Variants in YTHDC2 observed in about 807,000 individuals in gnomAD.
The protein encoded by YTHDC2 is 3'-5' RNA helicase YTHDC2.
A neutral mutation model predicts 174.9 loss-of-function variants in YTHDC2; 45 were observed. That is an observed-to-expected ratio of 0.26 (90% CI 0.20 to 0.33). YTHDC2 has a LOEUF of 0.33. Among genes scored for constraint, YTHDC2 ranks in the 10% least tolerant of loss-of-function variants. YTHDC2 has a pLI of 1.00. For missense variants in YTHDC2, 1,650 were observed against 1,723.7 expected, an observed-to-expected ratio of 0.96 and a Z score of 0.76; for synonymous variants, 657 against 574.5, an observed-to-expected ratio of 1.14 and a Z score of -2.05.
intron 21 of YTHDC2, among the ~76,000 whole-genome samples, chr5:113,566,545 G>A (rs1209071297): frequency 2.0e-5 from 3 of 148,292 alleles, no homozygotes; most frequent in Non-Finnish European, 4.4e-5. Context: ...GTAGTCAGAA[G>A]AATAGTACCA....
At chr5:113,582,010 A>T (rs1046235874) in intron 25 of YTHDC2, 25 of 192,620 alleles carry the variant, frequency 1.3e-4, no homozygotes, top group Admixed American at 2.4e-4. Context: ...ATATATAGAC[A>T]TTTTAAAATT....
chr5:113,551,756 A>G (rs1189943823), intron 12 of YTHDC2, among the ~76,000 whole-genome samples: 1 of 152,170 alleles, frequency 6.6e-6, no homozygotes, highest in East Asian at 1.9e-4. Context: ...AAAGTATAAT[A>G]AAACATTTAC....
Position 113,535,634 on chromosome 5 carries a change from TACTA to T in YTHDC2, c.946-7_946-4del. On this transcript the variant is annotated splice_region_variant and splice_polypyrimidine_tract_variant and intron_variant, in intron 6 of 29. Coordinates refer to ENST00000161863, the MANE Select transcript of YTHDC2 (RefSeq NM_022828.5). ...ACTGTTCCATGGTTTTATTTCTGTT[TACTA>T]TAGGATGAAGTGCATGAAAGGGATC... is the stretch of plus-strand genomic sequence containing the variant. 1 of 1,594,358 alleles carries T rather than the reference TACTA, an allele frequency of 6.3e-7. No individual in the cohort carries two copies. The highest frequency in any genetic ancestry group is 8.5e-7 in the Non-Finnish European group (1 of 1,172,180).
rs1393685819 is a variant in YTHDC2, at chr5:113,581,117, G to T, written c.3355-300G>T. ...TACAGGCACTAAAATAACACTATGA[G>T]CTACATATATTTTTATTTACCCTGC... is the stretch of plus-strand genomic sequence containing the variant. On this transcript the variant is annotated intron_variant, in intron 24 of 29. Coordinates refer to ENST00000161863, the MANE Select transcript of YTHDC2 (RefSeq NM_022828.5). 1.4e-5 allele frequency: 3 copies of T among 219,936 alleles called. No individual in the cohort carries two copies. In the Admixed American group the frequency reaches 1.7e-4, roughly 12 times the overall value. The allele number at this position is 219,936 out of a possible 1,614,324, so 13.6% of individuals were successfully genotyped here.
At chr5:113,521,293 G>A (rs568275595) in intron 2 of YTHDC2, among the ~76,000 whole-genome samples, 4 of 152,348 alleles carry the variant, frequency 2.6e-5, no homozygotes, top group Admixed American at 6.5e-5. Flanking sequence ...AAGTGGCAGA[G>A]CCAGGATTTG....
chr5:113,567,426 A>C (rs1580605815), intron 22 of YTHDC2, 129 bp downstream of exon 22: 4 of 375,564 alleles, frequency 1.1e-5, no homozygotes, highest in Non-Finnish European at 1.6e-5. Context: ...ATATATATAT[A>C]TCATTAAATA....
intron 24 of YTHDC2, 126 bp from the exon 25 acceptor site, chr5:113,581,291 T>C: frequency 1.2e-6 from 1 of 809,372 alleles, no homozygotes. Context: ...ATGAAATTAG[T>C]AGTAAATTAT....
rs377570528 is a variant in YTHDC2, at chr5:113,581,524, A to G, written c.3462A>G (p.Arg1154=). 3 of 1,613,944 alleles carry G rather than the reference A, an allele frequency of 1.9e-6. No homozygotes were observed. Among genetic ancestry groups the G allele is most frequent in the Middle Eastern group, 1.6e-4 (1 of 6,080 alleles). ...CTCAAGTTGATGAAGCTACCATAAG[A>G]GCAATTATAGCTGTTTTAAGCACTG... ...PWSQVDEATI[R]AIIAVLSTEE... The change falls in exon 25 of 30, where the codon AGA becomes AGG. Residue 1154 remains arginine (R), a synonymous_variant. Coordinates refer to ENST00000161863, the MANE Select transcript of YTHDC2 (RefSeq NM_022828.5).
chr5:113,581,928 G>T lies in YTHDC2; in HGVS notation c.3647+219G>T, dbSNP rs1778428163. On this transcript the variant is annotated intron_variant, in intron 25 of 29. Transcript: ENST00000161863. ...AATTTTAAACTATTGATATCTGTGA[G>T]TTATTTAATAAGGCAACTCTTTGTC... 8.7e-6 allele frequency: 3 copies of T among 342,942 alleles called. No homozygotes were observed. The East Asian group carries it at 1.5e-4, about 17-fold the overall frequency. The allele number at this position is 342,942 out of a possible 1,614,324, so 21.2% of individuals were successfully genotyped here.
chr5:113,565,853 A>C (rs750913118), intron 20 of YTHDC2, 40 bp from the exon 21 acceptor site: 1 of 1,588,846 alleles, frequency 6.3e-7, no homozygotes, highest in Non-Finnish European at 8.6e-7. Context: ...AGAAGCGATT[A>C]GTAAATGTGT....
intron 1 of YTHDC2, chr5:113,514,398 C>A (rs1773254359): frequency 1.8e-6 from 1 of 568,702 alleles, no homozygotes; most frequent in African/African-American, 1.9e-5. Flanking sequence ...TTAGCCCTAA[C>A]CCTTTTTAAG....
rs996943147 is a variant in YTHDC2 at position 113,595,280 on chromosome 5, A to G, written c.*1806A>G. ...AATATACTTATTAAAATGAAATTCT[A>G]TTAAGTTTTTCAGATCTTATTTCTT... On this transcript the variant is annotated 3_prime_UTR_variant, in exon 30 of 30. Transcript: ENST00000161863. The G allele has an allele frequency of 4.6e-5, 7 of 152,104 alleles. No homozygotes were observed. The highest frequency in any genetic ancestry group is 1.7e-4 in the African/African-American group (7 of 41,454). The allele number at this position is 152,104 out of a possible 1,614,324, so 9.4% of individuals were successfully genotyped here. A position where few individuals can be genotyped will look rare whatever the true frequency, so the allele number is the denominator to read the frequency against.
chr5:113,567,220 C>G lies in YTHDC2; in HGVS notation c.2971C>G (p.Leu991Val), dbSNP rs780814609. The change falls in exon 22 of 30, where the codon CTA (leucine) becomes GTA (valine). Residue 991 changes from leucine (L) to valine (V), a missense_variant. Leu to Val is a conservative substitution (Grantham distance 32). This residue lies in a region of YTHDC2 where 913 missense variants were observed against 940.4 expected (regional missense o/e 0.97). Coordinates refer to ENST00000161863, the MANE Select transcript of YTHDC2 (RefSeq NM_022828.5). ...TTTAGTCCACGTGGACAGAGAGAAT[C>G]TAGTGTTGACAGGGCCAAAGGAGAA... ...PNLVHVDREN[L>V]VLTGPKEKKV... 6.2e-6 allele frequency: 10 copies of G among 1,613,656 alleles called. No homozygotes were observed. The Admixed American group carries it at 6.7e-5, about 11-fold the overall frequency.
At chr5:113,541,598 A>C (rs537661726) in intron 9 of YTHDC2, among the ~76,000 whole-genome samples, 13 of 152,026 alleles carry the variant, frequency 8.6e-5, no homozygotes, top group Middle Eastern at 3.4e-3. Flanking sequence ...AAAATAATTT[A>C]CCCTTTTTTT....
chr5:113,539,200 G>T lies in YTHDC2; in HGVS notation c.1210+19G>T, dbSNP rs1464977203. On this transcript the variant is annotated intron_variant, in intron 8 of 29. Coordinates refer to ENST00000161863, the MANE Select transcript of YTHDC2 (RefSeq NM_022828.5). Reference sequence around the variant, plus strand: ...CAGCAAGGTAAATTTTTTAATAAAAGAAATATAAAAGAAATTACTATTGAT... The same window carrying T: ...CAGCAAGGTAAATTTTTTAATAAAATAAATATAAAAGAAATTACTATTGAT... The T allele has an allele frequency of 1.8e-6, 2 of 1,121,474 alleles. No individual in the cohort carries two copies. Among genetic ancestry groups the T allele is most frequent in the East Asian group, 5.6e-5 (2 of 35,472 alleles). 69.5% of individuals were successfully genotyped at this position (1,121,474 alleles called of 1,614,324 possible). A position where few individuals can be genotyped will look rare whatever the true frequency, so the allele number is the denominator to read the frequency against.
At chr5:113,562,755 A>G (rs1777077825) in intron 18 of YTHDC2, among the ~76,000 whole-genome samples, 1 of 152,114 alleles carries the variant, frequency 6.6e-6, no homozygotes, top group Non-Finnish European at 1.5e-5. Flanking sequence ...GTCTTTCTTC[A>G]GGAAAACTAT....
In YTHDC2 at chr5:113,567,200, T is replaced by C. The variant is rs1777393047; in HGVS notation, c.2951T>C (p.Val984Ala). 1 of 1,613,614 alleles carries C rather than the reference T, an allele frequency of 6.2e-7. No homozygotes were observed. ...ALVAGMYPNL[V>A]HVDRENLVLT... is the part of the protein sequence containing the mutation. ...GTGGCAGGCATGTATCCTAATTTAG[T>C]CCACGTGGACAGAGAGAATCTAGTG... The change falls in exon 22 of 30, where the codon GTC becomes GCC. Residue 984 changes from valine to alanine, a missense_variant. Val to Ala is a moderately conservative substitution (Grantham distance 64, BLOSUM62 0). Transcript: ENST00000161863.
In YTHDC2 at chr5:113,532,978, A is replaced by G; in HGVS notation, c.775A>G (p.Arg259Gly). The G allele has an allele frequency of 1.9e-6, 3 of 1,614,226 alleles. No homozygotes were observed. The highest frequency in any genetic ancestry group is 2.5e-6 in the Non-Finnish European group (3 of 1,180,038). Reference protein sequence around the residue: ...RRLAAIAVAERVAAERRERIG... With the variant: ...RRLAAIAVAEGVAAERRERIG... ...ATTGGCAGCTATCGCTGTGGCTGAAAGAGTTGCCGCAGAGAGACGGGAAAG... is the reference window on the plus strand; with the variant it reads ...ATTGGCAGCTATCGCTGTGGCTGAAGGAGTTGCCGCAGAGAGACGGGAAAG... Residue 259 changes from arginine to glycine, a missense_variant, in exon 5 of 30, where the codon AGA (arginine) becomes GGA (glycine). Coordinates refer to ENST00000161863, the MANE Select transcript of YTHDC2 (RefSeq NM_022828.5).
chr5:113,547,081 C>T (rs1231454808), intron 10 of YTHDC2, among the ~76,000 whole-genome samples: 2 of 152,244 alleles, frequency 1.3e-5, no homozygotes, highest in East Asian at 3.9e-4. Context: ...TCACTTAGTC[C>T]AGTTTATATT....
Sources: gnomAD v4.1 joint callset for allele counts (sites outside exome capture counted in the v4.1 genomes callset) on GRCh38, gnomAD v4.1.1 for gene constraint, gnomAD v4.1.1 regional missense constraint, MANE v1.5 for transcripts, NCBI Gene and HGNC (gene_info 2026-07-23, HGNC 2026-07-21) for gene names.